PTPRN2: variants seen among roughly 807,000 people sequenced by gnomAD.
The protein encoded by PTPRN2 is receptor-type tyrosine-protein phosphatase N2.
A neutral mutation model predicts 118.8 loss-of-function variants in PTPRN2; 74 were observed. The observed-to-expected ratio is 0.62, with a 90% CI of 0.52 to 0.76. The LOEUF (loss-of-function observed/expected upper bound fraction) is 0.76, where lower values mean the gene tolerates loss of function less well. PTPRN2 is among the 30% of genes least tolerant of loss of function. PTPRN2 has a pLI of 0.00. For synonymous variants in PTPRN2, 641 were observed against 608.0 expected (o/e 1.05, Z -0.80); for missense variants, 1,481 against 1,394.4 (o/e 1.06, Z -0.99).
intron 11 of PTPRN2, among the ~76,000 whole-genome samples, chr7:157,911,289 C>T (rs948296801): frequency 6.6e-6 from 1 of 152,154 alleles, no homozygotes; most frequent in Non-Finnish European, 1.5e-5. Flanking sequence ...AAAAGATGCC[C>T]CCTTAGAGAT....
intron 1 of PTPRN2, among the ~76,000 whole-genome samples, chr7:158,511,458 C>G (rs943980393): frequency 7.2e-5 from 11 of 152,170 alleles, no homozygotes; most frequent in Non-Finnish European, 1.2e-4. Context: ...TCCTAGTTCT[C>G]CTAAACCATC....
At chr7:158,056,449 A>G (rs1022037914) in intron 11 of PTPRN2, among the ~76,000 whole-genome samples, 2 of 152,222 alleles carry the variant, frequency 1.3e-5, no homozygotes, top group African/African-American at 2.4e-5. Flanking sequence ...GGAAAAACAC[A>G]TTTGTAAAAA....
chr7:158,303,169 A>C (rs1488469816), intron 3 of PTPRN2, among the ~76,000 whole-genome samples: 2 of 120,416 alleles, frequency 1.7e-5, no homozygotes, highest in South Asian at 2.4e-4. Flanking sequence ...CTAACCCACC[A>C]AAAAAAAAAA....
At chr7:158,024,143 T>G (rs565905805) in intron 11 of PTPRN2, among the ~76,000 whole-genome samples, 22 of 152,242 alleles carry the variant, frequency 1.4e-4, no homozygotes, top group African/African-American at 5.3e-4. Context: ...ACATGCCCAG[T>G]GCACCCCAAC....
intron 9 of PTPRN2, among the ~76,000 whole-genome samples, chr7:158,115,567 C>T (rs1464871877): frequency 2.0e-5 from 3 of 152,022 alleles, no homozygotes; most frequent in Non-Finnish European, 4.4e-5. Flanking sequence ...GGTGGAGTCT[C>T]CTAATGAGAT....
chr7:158,341,315 C>G (rs1426258937), intron 2 of PTPRN2, among the ~76,000 whole-genome samples: 2 of 152,028 alleles, frequency 1.3e-5, no homozygotes, highest in Non-Finnish European at 2.9e-5. Context: ...GTCACTCACA[C>G]CCACACACGT....
At chr7:157,961,900 G>T (rs1801564666) in intron 11 of PTPRN2, among the ~76,000 whole-genome samples, 1 of 152,020 alleles carries the variant, frequency 6.6e-6, no homozygotes, top group African/African-American at 2.4e-5. Context: ...AGGAGACCCG[G>T]CGGCGGCCGC....
chr7:157,918,463 C>CA (rs1223999232), intron 11 of PTPRN2, among the ~76,000 whole-genome samples: 11 of 152,216 alleles, frequency 7.2e-5, no homozygotes, highest in Admixed American at 2.0e-4. Flanking sequence ...ACGAGAAACA[C>CA]ACACAGTGAG....
At chr7:158,263,438 GCACA>G (rs957543461) in intron 3 of PTPRN2, among the ~76,000 whole-genome samples, 1 of 147,436 alleles carries the variant, frequency 6.8e-6, no homozygotes, top group Admixed American at 6.7e-5. Flanking sequence ...ACACACACAG[GCACA>G]CACACACAGC....
At chr7:158,063,261 CTT>C (rs1810498085) in intron 11 of PTPRN2, among the ~76,000 whole-genome samples, 1 of 151,776 alleles carries the variant, frequency 6.6e-6, no homozygotes, top group Admixed American at 6.6e-5. Context: ...AATCAGCACT[CTT>C]GTGTCTAGCT....
intron 13 of PTPRN2, among the ~76,000 whole-genome samples, chr7:157,670,887 C>T (rs1027704477): frequency 6.6e-5 from 10 of 152,182 alleles, no homozygotes; most frequent in South Asian, 2.1e-4. Flanking sequence ...CCAGGCCTGA[C>T]GTGGAAGTAG....
At chr7:158,514,133 G>T (rs1823371102) in intron 1 of PTPRN2, among the ~76,000 whole-genome samples, 2 of 152,152 alleles carry the variant, frequency 1.3e-5, no homozygotes, top group African/African-American at 4.8e-5. Context: ...TTTCGTCCAG[G>T]ACTGACATAG....
intron 1 of PTPRN2, among the ~76,000 whole-genome samples, chr7:158,551,703 C>G (rs1364978995): frequency 1.0e-4 from 5 of 50,004 alleles, no homozygotes; most frequent in African/African-American, 4.3e-4. Flanking sequence ...GGGTGGGGCT[C>G]TAACACATGC....
chr7:158,208,823 TATCAA>T (rs1482912940), intron 3 of PTPRN2, among the ~76,000 whole-genome samples: 1 of 152,122 alleles, frequency 6.6e-6, no homozygotes, highest in Non-Finnish European at 1.5e-5. Flanking sequence ...AAGATGAACT[TATCAA>T]ATAACTCCAA....
chr7:158,124,032 C>T (rs1246509393), intron 9 of PTPRN2, among the ~76,000 whole-genome samples: 1 of 152,228 alleles, frequency 6.6e-6, no homozygotes, highest in Non-Finnish European at 1.5e-5. Context: ...CTGATTCGAC[C>T]TCAGATCCCG....
rs539876009 is a variant in PTPRN2, at chr7:158,144,010, G to C, written c.911-5495C>G. 6.6e-5 allele frequency among the ~76,000 whole-genome samples: 10 copies of C among 152,296 alleles called. No homozygotes were observed. In the East Asian group the frequency reaches 1.9e-3, roughly 29 times the overall value. ...CCCAGACGACCCCACTGCAGCTCCA[G>C]AGAAGGTGACGTGGTCCGTGCGGGG... On this transcript the variant is annotated intron_variant, in intron 6 of 22. Coordinates refer to ENST00000389418, the MANE Select transcript of PTPRN2 (RefSeq NM_002847.5).
At chr7:158,115,397 G>A (rs923462434) in intron 9 of PTPRN2, among the ~76,000 whole-genome samples, 21 of 152,146 alleles carry the variant, frequency 1.4e-4, no homozygotes, top group African/African-American at 4.8e-4. Context: ...AGTGAGAAAG[G>A]TGGGCTCTGC....
At position 157,620,202 on chromosome 7, in the gene PTPRN2, T is replaced by A. The variant is rs535920910; in HGVS notation, c.2344+1160A>T. Among the ~76,000 whole-genome samples the A allele has an allele frequency of 4.6e-5, 7 of 152,116 alleles. No individual in the cohort carries two copies. In the East Asian group the frequency reaches 1.4e-3, roughly 29 times the overall value. On this transcript the variant is annotated intron_variant, in intron 15 of 22. Coordinates refer to ENST00000389418, the MANE Select transcript of PTPRN2 (RefSeq NM_002847.5). ...GACCCCCTTCCTCCTGGCGGGTGGG[T>A]TTATAACCAATCAAAGTGTGGAACC...
At chr7:158,303,571 C>T (rs1478632531) in intron 3 of PTPRN2, among the ~76,000 whole-genome samples, 1 of 152,176 alleles carries the variant, frequency 6.6e-6, no homozygotes, top group African/African-American at 2.4e-5. Context: ...AACCTTAAAA[C>T]AGCTGGATAA....
Sources: allele counts gnomAD v4.1 joint callset (sites outside exome capture counted in the v4.1 genomes callset), GRCh38; gene constraint gnomAD v4.1.1; transcripts MANE v1.5; gene names NCBI Gene and HGNC (gene_info 2026-07-23, HGNC 2026-07-21).